The following NFIB variants were observed in gnomAD, a reference collection of about 807,000 sequenced individuals.
The protein encoded by NFIB is nuclear factor I B.
NFIB carries 11 observed loss-of-function variants against 61.5 expected under a neutral mutation model. The ratio of observed to expected loss-of-function variants is 0.18; its 90% CI spans 0.11 to 0.30. The LOEUF is 0.30. Ranked by LOEUF, NFIB falls within the 10% of genes least tolerant of loss-of-function variation. The pLI is 1.00. For synonymous variants in NFIB, 260 were observed against 216.5 expected, an observed-to-expected ratio of 1.20 and a Z score of -1.76; for missense variants, 471 against 608.9, an observed-to-expected ratio of 0.77 and a Z score of 2.38.
chr9:14,099,860 T>C (rs751005730), intron 10 of NFIB, among the ~76,000 whole-genome samples: 6 of 152,120 alleles, frequency 3.9e-5, no homozygotes, highest in Non-Finnish European at 8.8e-5. Flanking sequence ...ATCACTTAAG[T>C]CAGGAGTTCC....
intron 3 of NFIB, among the ~76,000 whole-genome samples, chr9:14,166,363 C>A (rs1185534567): frequency 6.6e-6 from 1 of 152,140 alleles, no homozygotes; most frequent in Non-Finnish European, 1.5e-5. Flanking sequence ...TTGCCTTTGA[C>A]TGTAGGTGAA....
chr9:14,523,072 G>C, the NFIB span, among the ~76,000 whole-genome samples: 1 of 152,290 alleles, frequency 6.6e-6, no homozygotes, highest in South Asian at 2.1e-4. Flanking sequence ...TAGAAGGGTA[G>C]TGTCTGGCTG....
intron 1 of NFIB, among the ~76,000 whole-genome samples, chr9:14,364,225 G>A (rs1422497157): frequency 2.0e-5 from 3 of 152,084 alleles, no homozygotes; most frequent in Non-Finnish European, 4.4e-5. Flanking sequence ...CCCTAAAATC[G>A]TGCAATTTGG....
chr9:14,092,178 A>C (rs1274875292), intron 10 of NFIB, among the ~76,000 whole-genome samples: 1 of 152,080 alleles, frequency 6.6e-6, no homozygotes, highest in African/African-American at 2.4e-5. Context: ...AAAACTCACC[A>C]AATTATGTCA....
chr9:14,446,973 A>G, the NFIB span, among the ~76,000 whole-genome samples: 1 of 152,156 alleles, frequency 6.6e-6, no homozygotes, highest in Non-Finnish European at 1.5e-5. Context: ...CTTAGTAGTC[A>G]TCTCTAATGG....
At chr9:14,437,726 G>A in the NFIB span, among the ~76,000 whole-genome samples, 1 of 152,192 alleles carries the variant, frequency 6.6e-6, no homozygotes, top group Non-Finnish European at 1.5e-5. Context: ...CCTATCTCCA[G>A]CATTGCCACT....
chr9:14,292,748 A>G (rs2059186466), intron 2 of NFIB, among the ~76,000 whole-genome samples: 1 of 152,224 alleles, frequency 6.6e-6, no homozygotes, highest in South Asian at 2.1e-4. Context: ...ATCAGTAAAC[A>G]AAGGAATGGA....
the NFIB span, among the ~76,000 whole-genome samples, chr9:14,422,557 G>C: frequency 1.3e-5 from 2 of 152,206 alleles, no homozygotes; most frequent in Non-Finnish European, 2.9e-5. Context: ...AAGGCAATAA[G>C]GCTTAAAGGC....
chr9:14,487,309 G>GA, the NFIB span, among the ~76,000 whole-genome samples: 9 of 152,114 alleles, frequency 5.9e-5, no homozygotes, highest in Non-Finnish European at 8.8e-5. Flanking sequence ...CAAAAGAGCA[G>GA]AAAAAACAAA....
rs182509007 is a variant in NFIB at position 14,392,329 on chromosome 9, T to C, written c.108+6195A>G. Among the ~76,000 whole-genome samples the C allele has an allele frequency of 1.7e-3, 252 of 152,360 alleles. 1 individual carries two copies. The highest frequency in any genetic ancestry group is 3.4e-3 in the Middle Eastern group (1 of 294). On this transcript the variant is annotated intron_variant, in intron 1 of 8. Coordinates refer to the NFIB transcript ENST00000380934. ...TTCTGAATTGTGACAAAATGTACCA[T>C]ACTAAAGTAAGATGTTAATAATCAG... is the stretch of plus-strand genomic sequence containing the variant.
chr9:14,342,818 G>A (rs550646354), intron 1 of NFIB, among the ~76,000 whole-genome samples: 7 of 152,138 alleles, frequency 4.6e-5, no homozygotes, highest in East Asian at 1.9e-4. Flanking sequence ...TTATAACATC[G>A]ATGCTTCTTC....
the NFIB span, among the ~76,000 whole-genome samples, chr9:14,476,789 C>G: frequency 6.6e-6 from 1 of 152,130 alleles, no homozygotes; most frequent in East Asian, 1.9e-4. Context: ...CCCACAATCT[C>G]TTCAATTGTT....
At chr9:14,234,705 A>G (rs2053562732) in intron 2 of NFIB, among the ~76,000 whole-genome samples, 1 of 151,820 alleles carries the variant, frequency 6.6e-6, no homozygotes, top group Non-Finnish European at 1.5e-5. Context: ...TTGTAAAACT[A>G]GCATATTTTT....
chr9:14,420,943 G>C, the NFIB span, among the ~76,000 whole-genome samples: 49 of 152,070 alleles, frequency 3.2e-4, no homozygotes, highest in African/African-American at 1.1e-3. Context: ...GCACCACTGA[G>C]AGTAAGCCAT....
At chr9:14,435,370 T>G in the NFIB span, among the ~76,000 whole-genome samples, 1 of 152,236 alleles carries the variant, frequency 6.6e-6, no homozygotes, top group African/African-American at 2.4e-5. Context: ...AAAGATCAAC[T>G]CATAGCATAC....
the NFIB span, among the ~76,000 whole-genome samples, chr9:14,490,913 C>G: frequency 6.6e-6 from 1 of 152,298 alleles, no homozygotes; most frequent in South Asian, 2.1e-4. Context: ...TGGAGAAAAT[C>G]TCCAGTGCAA....
chr9:14,333,026 G>A (rs1286544228), intron 1 of NFIB, among the ~76,000 whole-genome samples: 1 of 152,166 alleles, frequency 6.6e-6, no homozygotes, highest in Non-Finnish European at 1.5e-5. Context: ...GGGGTATCTA[G>A]AGAGGAGACA....
chr9:14,202,780 C>T (rs2049194092), intron 2 of NFIB, among the ~76,000 whole-genome samples: 3 of 152,078 alleles, frequency 2.0e-5, no homozygotes, highest in Admixed American at 1.3e-4. Context: ...TGTCATATTT[C>T]TTATGAAAAA....
chr9:14,168,623 A>T (rs1367104239), intron 3 of NFIB, among the ~76,000 whole-genome samples: 1 of 152,242 alleles, frequency 6.6e-6, no homozygotes, highest in East Asian at 1.9e-4. Context: ...GAATGAAATA[A>T]TCAGATTTGC....
Sources: allele counts gnomAD v4.1 joint callset (sites outside exome capture counted in the v4.1 genomes callset), GRCh38; gene constraint gnomAD v4.1.1; transcripts MANE v1.5; gene names NCBI Gene and HGNC (gene_info 2026-07-23, HGNC 2026-07-21).